The following CACNA1B variants were observed in gnomAD, a reference collection of about 807,000 sequenced individuals.
CACNA1B encodes voltage-dependent N-type calcium channel subunit alpha-1B.
A neutral mutation model predicts 247.2 loss-of-function variants in CACNA1B; 70 were observed. The ratio of observed to expected loss-of-function variants is 0.28; its 90% CI spans 0.23 to 0.35. CACNA1B has a LOEUF of 0.35. Ranked by LOEUF, CACNA1B falls within the 10% of genes least tolerant of loss-of-function variation. The pLI is 1.00. For synonymous variants in CACNA1B, 1,231 were observed against 1,294.4 expected (o/e 0.95, Z 1.05); for missense variants, 2,367 against 3,197.4 (o/e 0.74, Z 6.26).
chr9:138,041,207 T>G (rs1959116756), intron 20 of CACNA1B, among the ~76,000 whole-genome samples: 1 of 152,186 alleles, frequency 6.6e-6, no homozygotes, highest in South Asian at 2.1e-4. Context: ...TGATTCCTAT[T>G]CAGCTTCCCC....
At chr9:138,096,665 C>G in intron 37 of CACNA1B, 54 bp downstream of exon 37, 2 of 1,561,822 alleles carry the variant, frequency 1.3e-6, no homozygotes, top group East Asian at 4.5e-5. Context: ...GCCCATAGAT[C>G]TTGGGATGGG....
chr9:137,985,713 C>T (rs959177066), intron 13 of CACNA1B, among the ~76,000 whole-genome samples: 7 of 152,218 alleles, frequency 4.6e-5, no homozygotes, highest in African/African-American at 9.6e-5. Flanking sequence ...TGGGACAGCA[C>T]GTGCAGAGGC....
rs148463942 is a variant in CACNA1B, at chr9:138,072,159, C to T, written c.4675-1329C>T. 3.3e-5 allele frequency among the ~76,000 whole-genome samples: 5 copies of T among 152,332 alleles called. No homozygotes were observed. The highest frequency in any genetic ancestry group is 9.6e-5 in the African/African-American group (4 of 41,580). ...CTTGCTGATTTGGATCATAGCCCGT[C>T]CTTGTGCCCACTGGCCATGGATATC... On this transcript the variant is annotated intron_variant, in intron 32 of 46. Coordinates refer to ENST00000371372, the MANE Select transcript of CACNA1B (RefSeq NM_000718.4). This position sits in a 1 kb window ranked among gnomAD's most constrained non-coding sequence, Gnocchi z 4.5.
rs188639933 is a variant in CACNA1B, at chr9:138,000,993, T to C, written c.1975-5774T>C. On this transcript the variant is annotated intron_variant, in intron 15 of 46. Coordinates refer to ENST00000371372, the MANE Select transcript of CACNA1B (RefSeq NM_000718.4). ...CCTTAAAAATATGCTTTTTACAGTC[T>C]TGTTATTTTGGTGTTTTTTTATCTG... 1.6e-3 allele frequency among the ~76,000 whole-genome samples: 237 copies of C among 152,334 alleles called. 1 individual carries two copies. Among genetic ancestry groups the C allele is most frequent in the African/African-American group, 5.0e-3 (206 of 41,572 alleles).
Position 138,105,686 on chromosome 9 carries a change from T to G in CACNA1B, c.5320-13T>G, listed in dbSNP as rs376415982. On this transcript the variant is annotated splice_polypyrimidine_tract_variant and intron_variant, in intron 38 of 46. Coordinates refer to ENST00000371372, the MANE Select transcript of CACNA1B (RefSeq NM_000718.4). ...CAGCAGGCCTGGCCCTGACCGGCCC[T>G]GCTTGTCCCTAGCGCCTGGTTCGCA... is the stretch of plus-strand genomic sequence containing the variant. 2.5e-5 allele frequency: 37 copies of G among 1,498,086 alleles called. 1 individual carries two copies. Among genetic ancestry groups the G allele is most frequent in the Middle Eastern group, 1.7e-4 (1 of 5,908 alleles). 92.8% of individuals were successfully genotyped at this position (1,498,086 alleles called of 1,614,324 possible). A position where few individuals can be genotyped will look rare whatever the true frequency, so the allele number is the denominator to read the frequency against.
At chr9:137,949,974 G>A (rs1957860778) in intron 6 of CACNA1B, among the ~76,000 whole-genome samples, 1 of 152,184 alleles carries the variant, frequency 6.6e-6, no homozygotes. Context: ...TTCTTAGTAT[G>A]ACAAGTGAGT....
rs1475002708 is a variant in CACNA1B, at chr9:138,014,550, T to G, written c.2267+1315T>G. On this transcript the variant is annotated intron_variant, in intron 18 of 46. Coordinates refer to ENST00000371372, the MANE Select transcript of CACNA1B (RefSeq NM_000718.4). The surrounding 1 kb of genome is among the most constrained non-coding windows in gnomAD (Gnocchi z 6.2). ...TCGATCTTTCATTGTCTTGGCCAAT[T>G]CGGTTATTTGGTTCATTAGTTATTT... is the stretch of plus-strand genomic sequence containing the variant. Among the ~76,000 whole-genome samples, 5 of 152,096 alleles carry G rather than the reference T, an allele frequency of 3.3e-5. No individual in the cohort carries two copies. The highest frequency in any genetic ancestry group is 5.9e-5 in the Non-Finnish European group (4 of 68,006).
At chr9:137,970,524 C>G (rs1158031010) in intron 10 of CACNA1B, among the ~76,000 whole-genome samples, 2 of 152,154 alleles carry the variant, frequency 1.3e-5, no homozygotes, top group Non-Finnish European at 2.9e-5. Context: ...GGGAGTTGGG[C>G]ATGGAACAGG....
chr9:137,887,156 T>C (rs1588979856), intron 3 of CACNA1B, among the ~76,000 whole-genome samples: 1 of 151,742 alleles, frequency 6.6e-6, no homozygotes, highest in Admixed American at 6.6e-5. Context: ...AGGAAGAGCA[T>C]GCAGAGGCCT....
At chr9:137,985,878 A>G (rs1958354215) in intron 13 of CACNA1B, among the ~76,000 whole-genome samples, 1 of 152,178 alleles carries the variant, frequency 6.6e-6, no homozygotes, top group South Asian at 2.1e-4. Context: ...GTGTCACCCT[A>G]CAAGCTCTCC....
rs150496046 is a variant in CACNA1B, at chr9:137,954,856, T to TTGTGTGTGTG, written c.1071-827_1071-818dup. 8.6e-3 allele frequency among the ~76,000 whole-genome samples: 1,039 copies of TTGTGTGTGTG among 120,922 alleles called. 19 individuals carry two copies. The highest frequency in any genetic ancestry group is 0.033 in the African/African-American group (830 of 25,274). The allele number at this position is 120,922 out of a possible 152,430, so 79.3% of individuals were successfully genotyped here. ...ACACCCACTCCACCAACTCAGAAGC[T>TTGTGTGTGTG]TGTGTGTGTGTGTGTGTGTGTGTGA... is the stretch of plus-strand genomic sequence containing the variant. On this transcript the variant is annotated intron_variant, in intron 7 of 46. Transcript: ENST00000371372. The surrounding 1 kb of genome is among the most constrained non-coding windows in gnomAD (Gnocchi z 4.1).
intron 36 of CACNA1B, among the ~76,000 whole-genome samples, chr9:138,080,972 T>C (rs1960505977): frequency 6.6e-6 from 1 of 152,166 alleles, no homozygotes; most frequent in Non-Finnish European, 1.5e-5. Context: ...AGGGAAGGAT[T>C]TCCATGTTTG....
chr9:137,927,404 G>A (rs1342273366), intron 6 of CACNA1B, among the ~76,000 whole-genome samples: 1 of 152,040 alleles, frequency 6.6e-6, no homozygotes, highest in Non-Finnish European at 1.5e-5. Context: ...TGTATTTTTA[G>A]TAGAGACGGG....
chr9:137,933,031 C>T (rs1409495410), intron 6 of CACNA1B, among the ~76,000 whole-genome samples: 1 of 152,110 alleles, frequency 6.6e-6, no homozygotes, highest in African/African-American at 2.4e-5. Flanking sequence ...CTCCCAGGTT[C>T]GAGCGATTCT....
Position 138,057,976 on chromosome 9 carries a change from T to C in CACNA1B, c.4107-73T>C. On this transcript the variant is annotated intron_variant, in intron 27 of 46. Transcript: ENST00000371372. The surrounding 1 kb of genome is among the most constrained non-coding windows in gnomAD (Gnocchi z 4.0). ...AGGCATGGAAGCAGACCCACCCTTG[T>C]GGTGCAGGTCTTGAGTTCTTAGGGC... 1.3e-6 allele frequency: 2 copies of C among 1,552,794 alleles called. No individual in the cohort carries two copies. Among genetic ancestry groups the C allele is most frequent in the Non-Finnish European group, 1.8e-6 (2 of 1,126,216 alleles).
intron 20 of CACNA1B, among the ~76,000 whole-genome samples, chr9:138,042,413 G>T (rs1959135755): frequency 6.6e-6 from 1 of 152,178 alleles, no homozygotes; most frequent in African/African-American, 2.4e-5. Context: ...CTGTACTTCA[G>T]CCTGGGCAAC....
At chr9:137,925,390 GAGAGATGCCT>G (rs1957537723) in intron 6 of CACNA1B, among the ~76,000 whole-genome samples, 1 of 152,208 alleles carries the variant, frequency 6.6e-6, no homozygotes, top group Non-Finnish European at 1.5e-5. Flanking sequence ...TGCTAGGTGG[GAGAGATGCCT>G]CTAAGTTCTT....
intron 6 of CACNA1B, among the ~76,000 whole-genome samples, chr9:137,926,976 A>G (rs1483520124): frequency 1.3e-5 from 2 of 152,084 alleles, no homozygotes; most frequent in Admixed American, 6.6e-5. Context: ...CTCCCATTCT[A>G]TGTGTGCCCT....
At chr9:137,992,850 G>A (rs1295429003) in intron 15 of CACNA1B, among the ~76,000 whole-genome samples, 1 of 151,696 alleles carries the variant, frequency 6.6e-6, no homozygotes, top group African/African-American at 2.4e-5. Context: ...AGACGATAGT[G>A]GAATAAAATT....
Sources: allele counts gnomAD v4.1 joint callset (sites outside exome capture counted in the v4.1 genomes callset), GRCh38; gene constraint gnomAD v4.1.1; non-coding constraint Gnocchi (gnomAD v3.1); transcripts MANE v1.5; gene names NCBI Gene and HGNC (gene_info 2026-07-23, HGNC 2026-07-21).